LINC00305: variants seen among roughly 807,000 people sequenced by gnomAD.
LINC00305 encodes long intergenic non-protein coding RNA 305.
chr18:64,138,867 G>A (rs899646792), intron 1 of LINC00305, among the ~76,000 whole-genome samples: 2 of 152,058 alleles, frequency 1.3e-5, no homozygotes, highest in Admixed American at 6.5e-5. Flanking sequence ...TTGGTCGTGC[G>A]CCTGGAACGA....
At chr18:64,131,566 T>C (rs2051409971) in intron 1 of LINC00305, among the ~76,000 whole-genome samples, 1 of 152,184 alleles carries the variant, frequency 6.6e-6, no homozygotes, top group Non-Finnish European at 1.5e-5. Context: ...AGATTTGAAA[T>C]ACAAAGCCAA....
intron 1 of LINC00305, among the ~76,000 whole-genome samples, chr18:64,135,587 AT>A (rs1425600644): frequency 6.6e-6 from 1 of 151,592 alleles, no homozygotes; most frequent in Non-Finnish European, 1.5e-5. Context: ...TTTCAGCTTT[AT>A]TTTCTTTTTT....
chr18:64,118,600 G>A (rs191063781), intron 1 of LINC00305, among the ~76,000 whole-genome samples: 1 of 152,156 alleles, frequency 6.6e-6, no homozygotes, highest in East Asian at 1.9e-4. Flanking sequence ...AAAGCTTTAC[G>A]TGGTGACACA....
At chr18:64,108,085 A>G (rs1326314336) in intron 1 of LINC00305, among the ~76,000 whole-genome samples, 2 of 152,204 alleles carry the variant, frequency 1.3e-5, no homozygotes, top group Non-Finnish European at 2.9e-5. Context: ...GGTTTCTATT[A>G]CTTATGGCAG....
chr18:64,101,067 C>G (rs1340628672), intron 1 of LINC00305, among the ~76,000 whole-genome samples: 1 of 152,116 alleles, frequency 6.6e-6, no homozygotes, highest in East Asian at 1.9e-4. Flanking sequence ...TCTGAGCAAC[C>G]CCGTCTCTAC....
chr18:64,097,050 T>C (rs890582305), intron 3 of LINC00305, among the ~76,000 whole-genome samples: 61 of 152,160 alleles, frequency 4.0e-4, no homozygotes, highest in African/African-American at 1.5e-3. Context: ...TGAGAACTCA[T>C]GTACAGTCTA....
chr18:64,081,401 A>T (rs2051184322), intron 3 of LINC00305, among the ~76,000 whole-genome samples: 1 of 152,182 alleles, frequency 6.6e-6, no homozygotes, highest in Admixed American at 6.5e-5. Context: ...AGGAAGATTA[A>T]AGGGAATACA....
intron 1 of LINC00305, among the ~76,000 whole-genome samples, chr18:64,109,867 C>A (rs529221900): frequency 2.0e-5 from 3 of 152,228 alleles, no homozygotes; most frequent in Admixed American, 2.0e-4. Context: ...CTCTCCACTC[C>A]GAGCTTGTCC....
chr18:64,117,068 G>C (rs2051340999), intron 1 of LINC00305, among the ~76,000 whole-genome samples: 1 of 152,136 alleles, frequency 6.6e-6, no homozygotes, highest in Non-Finnish European at 1.5e-5. Context: ...CCTAGTCCTT[G>C]CTCACTCTAA....
At chr18:64,131,121 A>G (rs921087666) in intron 1 of LINC00305, among the ~76,000 whole-genome samples, 1 of 152,204 alleles carries the variant, frequency 6.6e-6, no homozygotes, top group Non-Finnish European at 1.5e-5. Context: ...AAGCCCTGCT[A>G]CAAAAATGTG....
exon 3 of LINC00305, chr18:64,097,894 C>T (rs1189206247): frequency 4.4e-6 from 2 of 458,114 alleles, no homozygotes. Flanking sequence ...TGACGCTTTG[C>T]ACATTTGACC....
At chr18:64,127,104 TG>T (rs373370307) in intron 1 of LINC00305, among the ~76,000 whole-genome samples, 32 of 152,226 alleles carry the variant, frequency 2.1e-4, no homozygotes, top group Non-Finnish European at 4.3e-4. Flanking sequence ...TAACCAATTT[TG>T]AAACCAAATA....
chr18:64,126,529 C>T (rs1278376734), intron 1 of LINC00305, among the ~76,000 whole-genome samples: 1 of 152,040 alleles, frequency 6.6e-6, no homozygotes, highest in Admixed American at 6.6e-5. Context: ...CCTCTATGAA[C>T]AAGGAGCTGT....
Position 64,097,908 on chromosome 18 carries a change from G to T in LINC00305, n.466C>A, listed in dbSNP as rs2051251487. On this transcript the variant is annotated non_coding_transcript_exon_variant, in exon 3 of 4. Coordinates refer to ENST00000666468, the Ensembl canonical transcript of LINC00305. ...CTGACGCTTTGCACATTTGACCTTT[G>T]TAAGTGTGGCTGATAAACCAGAAGG... is the stretch of plus-strand genomic sequence containing the variant. 6.6e-6 allele frequency: 3 copies of T among 457,978 alleles called. 1 individual carries two copies. The highest frequency in any genetic ancestry group is 3.1e-5 in the South Asian group (2 of 64,568). The allele number at this position is 457,978 out of a possible 1,614,324, so 28.4% of individuals were successfully genotyped here.
intron 1 of LINC00305, among the ~76,000 whole-genome samples, chr18:64,142,695 T>G (rs546470336): frequency 3.3e-4 from 50 of 152,212 alleles, no homozygotes; most frequent in Middle Eastern, 3.4e-3. Flanking sequence ...TCCACTCTTG[T>G]ATATACACCA....
intron 3 of LINC00305, among the ~76,000 whole-genome samples, chr18:64,089,888 C>A (rs2051218347): frequency 3.9e-5 from 6 of 152,182 alleles, no homozygotes. Flanking sequence ...GAAAGACCTG[C>A]CCTCATGTTT....
At chr18:64,104,717 C>G (rs1369661065) in intron 1 of LINC00305, among the ~76,000 whole-genome samples, 1 of 152,186 alleles carries the variant, frequency 6.6e-6, no homozygotes. Flanking sequence ...TGGGAGCCTC[C>G]TTCAGGAGTG....
chr18:64,139,062 T>C (rs941044646), intron 1 of LINC00305, among the ~76,000 whole-genome samples: 1 of 152,180 alleles, frequency 6.6e-6, no homozygotes, highest in Middle Eastern at 3.2e-3. Context: ...TTCTTTCCAA[T>C]GACAATGCTT....
chr18:64,143,003 G>T lies in LINC00305; in HGVS notation n.314+5772C>A, dbSNP rs372446171. ...TATCATTAATGGAAATAAAATCATT[G>T]CATATTTTAAAGGATCAAACATACC... On this transcript the variant is annotated intron_variant and non_coding_transcript_variant, in intron 1 of 3. Coordinates refer to ENST00000666468, the Ensembl canonical transcript of LINC00305. 3.9e-5 allele frequency among the ~76,000 whole-genome samples: 6 copies of T among 152,138 alleles called. No individual in the cohort carries two copies. In the South Asian group the frequency reaches 1.0e-3, roughly 26 times the overall value.
Sources: gnomAD v4.1 joint callset for allele counts (sites outside exome capture counted in the v4.1 genomes callset) on GRCh38, gnomAD v4.1.1 for gene constraint, MANE v1.5 for transcripts, NCBI Gene and HGNC (gene_info 2026-07-23, HGNC 2026-07-21) for gene names.